The following MARCHF10 variants were observed in gnomAD, a reference collection of about 807,000 sequenced individuals.
MARCHF10 encodes the protein probable E3 ubiquitin-protein ligase MARCHF10.
In MARCHF10, 64 loss-of-function variants were observed where a neutral mutation model predicts 76.2. That is an observed-to-expected ratio of 0.84 (90% CI 0.69 to 1.03). The LOEUF is 1.03. Among genes scored for constraint, MARCHF10 ranks in the 50% least tolerant of loss-of-function variants. The pLI, the probability that MARCHF10 is intolerant of heterozygous loss-of-function variation, is 0.00. For synonymous variants in MARCHF10, 340 were observed against 357.5 expected, an observed-to-expected ratio of 0.95 and a Z score of 0.55; for missense variants, 875 against 958.0, an observed-to-expected ratio of 0.91 and a Z score of 1.14.
chr17:62,786,808 A>T (rs1037918803), intron 3 of MARCHF10, among the ~76,000 whole-genome samples: 2 of 152,220 alleles, frequency 1.3e-5, no homozygotes, highest in Non-Finnish European at 2.9e-5. Flanking sequence ...TCCCAAATGC[A>T]TGAGTATTGC....
Position 62,736,029 on chromosome 17 carries a change from A to G in MARCHF10, c.1839T>C (p.Asn613=), listed in dbSNP as rs1166663508. The change falls in exon 6 of 11, where the codon AAT becomes AAC. Residue 613 remains asparagine, a synonymous_variant. Transcript: ENST00000311269. ...FFAVSHFPNQ[N]DNGSRMAASG... is the part of the protein sequence containing the mutation. ...AGGCTGCCATCCTGCTCCCATTATC[A>G]TTTTGATTTGGGAAATGAGACACTG... 11 of 1,614,034 alleles carry G rather than the reference A, an allele frequency of 6.8e-6. No homozygotes were observed. Among genetic ancestry groups the G allele is most frequent in the Non-Finnish European group, 9.3e-6 (11 of 1,180,016 alleles).
intron 5 of MARCHF10, among the ~76,000 whole-genome samples, chr17:62,741,537 T>C (rs905273833): frequency 3.3e-5 from 5 of 152,234 alleles, no homozygotes; most frequent in Non-Finnish European, 7.3e-5. Flanking sequence ...TCACTACTAG[T>C]ATTACGTATC....
intron 4 of MARCHF10, among the ~76,000 whole-genome samples, chr17:62,755,244 C>T (rs2092006629): frequency 6.6e-6 from 1 of 152,210 alleles, no homozygotes; most frequent in Admixed American, 6.5e-5. Context: ...CTCAGGGGAC[C>T]ATGCCCAAGC....
chr17:62,709,221 T>G (rs1266274456), intron 9 of MARCHF10, among the ~76,000 whole-genome samples: 2 of 152,220 alleles, frequency 1.3e-5, no homozygotes, highest in African/African-American at 2.4e-5. Flanking sequence ...GGCTCACACC[T>G]GTAATCCCAG....
At chr17:62,768,316 A>C (rs1424807405) in intron 3 of MARCHF10, among the ~76,000 whole-genome samples, 1 of 152,134 alleles carries the variant, frequency 6.6e-6, no homozygotes, top group Non-Finnish European at 1.5e-5. Context: ...CAGAAGTTTG[A>C]GACCAGCCTG....
intron 2 of MARCHF10, among the ~76,000 whole-genome samples, chr17:62,789,551 A>G (rs940381561): frequency 2.0e-5 from 3 of 152,116 alleles, no homozygotes; most frequent in Non-Finnish European, 4.4e-5. Context: ...TGTGGTTTTG[A>G]GCCTGTTTCT....
chr17:62,752,487 C>G (rs2091926413), intron 4 of MARCHF10, among the ~76,000 whole-genome samples: 1 of 152,216 alleles, frequency 6.6e-6, no homozygotes, highest in African/African-American at 2.4e-5. Flanking sequence ...TTGGCAGAGG[C>G]AACCTCCACT....
intron 5 of MARCHF10, among the ~76,000 whole-genome samples, chr17:62,742,499 T>C (rs1325785150): frequency 6.6e-6 from 1 of 152,128 alleles, no homozygotes; most frequent in Non-Finnish European, 1.5e-5. Flanking sequence ...AAGGGAGACT[T>C]GTGAGGAAAT....
At chr17:62,723,559 CTTTTTTT>C (rs60456766) in intron 7 of MARCHF10, among the ~76,000 whole-genome samples, 1 of 80,370 alleles carries the variant, frequency 1.2e-5, no homozygotes, top group African/African-American at 5.4e-5. Context: ...GTTCGCTTGA[CTTTTTTT>C]TTTTTTTTTT....
chr17:62,719,122 G>A (rs2090361012), intron 8 of MARCHF10, among the ~76,000 whole-genome samples: 1 of 152,172 alleles, frequency 6.6e-6, no homozygotes, highest in South Asian at 2.1e-4. Context: ...TGCTTATAAA[G>A]TGGAAATCAC....
At chr17:62,789,406 C>G (rs1233698702) in intron 2 of MARCHF10, among the ~76,000 whole-genome samples, 1 of 152,198 alleles carries the variant, frequency 6.6e-6, no homozygotes, top group Non-Finnish European at 1.5e-5. Context: ...TACTAAAAAG[C>G]CTGCTGCTGT....
intron 1 of MARCHF10, among the ~76,000 whole-genome samples, chr17:62,802,003 C>G (rs1272874893): frequency 3.9e-5 from 6 of 152,158 alleles, no homozygotes; most frequent in Non-Finnish European, 8.8e-5. Flanking sequence ...CCTGGTTACT[C>G]AGAGGGAGTT....
intron 4 of MARCHF10, among the ~76,000 whole-genome samples, chr17:62,751,819 G>A (rs1450748460): frequency 1.3e-5 from 2 of 152,096 alleles, no homozygotes; most frequent in Admixed American, 1.3e-4. Flanking sequence ...TCAGGAGTTC[G>A]ATACCAGCCT....
intron 2 of MARCHF10, among the ~76,000 whole-genome samples, chr17:62,789,080 A>AC (rs1383600395): frequency 4.0e-5 from 6 of 150,472 alleles, no homozygotes; most frequent in African/African-American, 7.3e-5. Context: ...AAAAAAAAAA[A>AC]AAAAAAAAAA....
chr17:62,760,138 C>G (rs1001774489), intron 3 of MARCHF10, 132 bp from the exon 4 acceptor site: 2 of 691,178 alleles, frequency 2.9e-6, no homozygotes, highest in South Asian at 1.9e-5. Context: ...CAGGTCAACA[C>G]GCCCGTTCAC....
At chr17:62,730,474 AGC>A (rs1439477522) in intron 6 of MARCHF10, among the ~76,000 whole-genome samples, 5 of 152,258 alleles carry the variant, frequency 3.3e-5, no homozygotes, top group Non-Finnish European at 7.3e-5. Flanking sequence ...CCATGTATTA[AGC>A]GCTTACTGTA....
intron 5 of MARCHF10, among the ~76,000 whole-genome samples, chr17:62,740,685 G>A (rs1004090352): frequency 1.3e-5 from 2 of 151,614 alleles, no homozygotes; most frequent in African/African-American, 4.8e-5. Context: ...TAGAAACAGG[G>A]TCTTGCTCTG....
At chr17:62,741,056 A>G (rs1380016721) in intron 5 of MARCHF10, among the ~76,000 whole-genome samples, 1 of 152,210 alleles carries the variant, frequency 6.6e-6, no homozygotes, top group Non-Finnish European at 1.5e-5. Flanking sequence ...AGGCATTTGA[A>G]TTTATAACCC....
intron 6 of MARCHF10, among the ~76,000 whole-genome samples, chr17:62,734,169 G>A (rs2091158148): frequency 6.6e-6 from 1 of 151,976 alleles, no homozygotes; most frequent in Non-Finnish European, 1.5e-5. Context: ...GGGAGACAGA[G>A]TAAGACTCCC....
Sources: allele counts gnomAD v4.1 joint callset (sites outside exome capture counted in the v4.1 genomes callset), GRCh38; gene constraint gnomAD v4.1.1; transcripts MANE v1.5; gene names NCBI Gene and HGNC (gene_info 2026-07-23, HGNC 2026-07-21).